TSHZ2: variants seen among roughly 807,000 people sequenced by gnomAD.
TSHZ2 encodes the protein teashirt zinc finger homeobox 2, also known as teashirt homolog 2.
In TSHZ2, 21 loss-of-function variants were observed where a neutral mutation model predicts 74.4. The ratio of observed to expected loss-of-function variants is 0.28; its 90% confidence interval spans 0.20 to 0.41. The LOEUF is 0.41. Ranked by LOEUF, TSHZ2 falls within the 10% of genes least tolerant of loss-of-function variation. The probability of loss-of-function intolerance (pLI) is 1.00; values close to 1 mark genes in which losing one functional copy is unlikely to be tolerated. For missense variants in TSHZ2, 1,244 were observed against 1,293.5 expected, an observed-to-expected ratio of 0.96 and a Z score of 0.59; for synonymous variants, 540 against 515.3, an observed-to-expected ratio of 1.05 and a Z score of -0.65.
At chr20:53,116,524 C>T (rs1442686423) in intron 1 of TSHZ2, among the ~76,000 whole-genome samples, 1 of 152,176 alleles carries the variant, frequency 6.6e-6, no homozygotes, top group African/African-American at 2.4e-5. Flanking sequence ...GTACACAAGC[C>T]ATTTGTCCAA....
intron 1 of TSHZ2, among the ~76,000 whole-genome samples, chr20:53,236,942 CA>C (rs1989953650): frequency 6.6e-6 from 1 of 152,180 alleles, no homozygotes; most frequent in Admixed American, 6.5e-5. Context: ...CACAAGGTCC[CA>C]CCCCTAACAC....
chr20:53,073,284 C>T lies in TSHZ2; in HGVS notation c.40+99951C>T, dbSNP rs528008753. ...TCCATCCATCCATCCCTCCATTCAT[C>T]CATCCATCCCTTCATCCATCCATCC... On this transcript the variant is annotated intron_variant, in intron 1 of 2. Transcript: ENST00000371497. 9.0e-4 allele frequency among the ~76,000 whole-genome samples: 128 copies of T among 141,744 alleles called. 1 individual carries two copies. Among genetic ancestry groups the T allele is most frequent in the African/African-American group, 3.8e-3 (126 of 33,340 alleles). The allele number at this position is 141,744 out of a possible 152,430, so 93.0% of individuals were successfully genotyped here.
chr20:53,089,915 G>T (rs563899591), intron 1 of TSHZ2, among the ~76,000 whole-genome samples: 5 of 152,330 alleles, frequency 3.3e-5, no homozygotes, highest in Admixed American at 2.0e-4. Flanking sequence ...GAGTTTATTA[G>T]GAGAATTGAC....
chr20:53,319,203 T>C (rs913637914), intron 2 of TSHZ2, among the ~76,000 whole-genome samples: 3 of 152,226 alleles, frequency 2.0e-5, no homozygotes, highest in African/African-American at 7.2e-5. Context: ...TGATCACCTG[T>C]TATGCTGTAG....
intron 2 of TSHZ2, among the ~76,000 whole-genome samples, chr20:53,453,880 T>G (rs1305389105): frequency 6.6e-6 from 1 of 152,020 alleles, no homozygotes; most frequent in Non-Finnish European, 1.5e-5. Flanking sequence ...ACAGACTGGT[T>G]TGGAAGAAGT....
At position 53,489,762 on chromosome 20, in the gene TSHZ2, T is replaced by C. The variant is rs1051357896; in HGVS notation, c.*2627T>C. 8 of 154,348 alleles carry C rather than the reference T, an allele frequency of 5.2e-5. No homozygotes were observed. The highest frequency in any genetic ancestry group is 3.8e-4 in the Admixed American group (6 of 15,644). 9.6% of individuals were successfully genotyped at this position (154,348 alleles called of 1,614,324 possible). A position where few individuals can be genotyped will look rare whatever the true frequency, so the allele number is the denominator to read the frequency against. On this transcript the variant is annotated 3_prime_UTR_variant, in exon 3 of 3. Transcript: ENST00000371497. ...GTGCATGTCACTGCCGAGGGATGGC[T>C]GCTAAGGTTCACCTTAGAAAACAAG...
Position 53,398,345 on chromosome 20 carries a change from A to G in TSHZ2, c.*9-88799A>G, listed in dbSNP as rs562989012. 3.9e-5 allele frequency: 6 copies of G among 152,350 alleles called. 1 individual carries two copies. The highest frequency in any genetic ancestry group is 2.1e-4 in the South Asian group (1 of 4,830). The allele number at this position is 152,350 out of a possible 1,614,324, so 9.4% of individuals were successfully genotyped here. A position where few individuals can be genotyped will look rare whatever the true frequency, so the allele number is the denominator to read the frequency against. On this transcript the variant is annotated intron_variant, in intron 2 of 2. Coordinates refer to ENST00000371497, the MANE Select transcript of TSHZ2 (RefSeq NM_173485.6). The stretch of plus-strand genomic sequence containing the variant: ...CATCCAAATACCTGCTTACCAAATC[A>G]TCGATTATCTGCCAAAGCTCTTCAG...
At chr20:53,037,903 G>A (rs1283586507) in intron 1 of TSHZ2, among the ~76,000 whole-genome samples, 1 of 152,026 alleles carries the variant, frequency 6.6e-6, no homozygotes, top group East Asian at 1.9e-4. Context: ...AGAGCAGGGC[G>A]AGTCTGCCAG....
chr20:53,240,327 A>C (rs977350679), intron 1 of TSHZ2, among the ~76,000 whole-genome samples: 1 of 152,162 alleles, frequency 6.6e-6, no homozygotes, highest in Non-Finnish European at 1.5e-5. Context: ...CTGGGATGGG[A>C]CCAACCTCAG....
intron 2 of TSHZ2, among the ~76,000 whole-genome samples, chr20:53,321,627 T>G (rs1210959387): frequency 7.5e-6 from 1 of 132,920 alleles, no homozygotes; most frequent in Non-Finnish European, 1.5e-5. Flanking sequence ...GAGGTTGTGG[T>G]GAGCAGAGAT....
intron 1 of TSHZ2, among the ~76,000 whole-genome samples, chr20:53,118,048 CAG>C (rs1452396819): frequency 2.0e-5 from 3 of 152,160 alleles, no homozygotes; most frequent in Non-Finnish European, 4.4e-5. Context: ...TGGAATTGTA[CAG>C]TGATGGAATT....
chr20:53,170,403 A>G (rs567258321), intron 1 of TSHZ2, among the ~76,000 whole-genome samples: 1 of 152,334 alleles, frequency 6.6e-6, no homozygotes, highest in East Asian at 1.9e-4. Flanking sequence ...GCGTATGCCA[A>G]AATCTGAGTC....
chr20:53,483,394 C>T (rs1398645437), intron 2 of TSHZ2, among the ~76,000 whole-genome samples: 2 of 152,236 alleles, frequency 1.3e-5, no homozygotes, highest in East Asian at 3.9e-4. Flanking sequence ...ACCTGTAGTC[C>T]CAGCTACTCA....
At chr20:53,480,607 G>A (rs1006968606) in intron 2 of TSHZ2, among the ~76,000 whole-genome samples, 3 of 151,978 alleles carry the variant, frequency 2.0e-5, no homozygotes, top group Non-Finnish European at 2.9e-5. Flanking sequence ...ATGGGTGCAG[G>A]ATGATGGACA....
In TSHZ2 at chr20:53,045,208, G is replaced by C. The variant is rs1198770664; in HGVS notation, c.40+71875G>C. Reference sequence around the variant, plus strand: ...TCTGACACCAGCATGGCCTGCCCCTGTGAGAAGGGAAGAGTACAGCGGGTC... The same window carrying C: ...TCTGACACCAGCATGGCCTGCCCCTCTGAGAAGGGAAGAGTACAGCGGGTC... On this transcript the variant is annotated intron_variant, in intron 1 of 2. Transcript: ENST00000371497. 3.9e-5 allele frequency among the ~76,000 whole-genome samples: 6 copies of C among 152,282 alleles called. No individual in the cohort carries two copies. The East Asian group carries it at 1.2e-3, about 29-fold the overall frequency.
intron 1 of TSHZ2, among the ~76,000 whole-genome samples, chr20:52,983,725 G>A (rs1981651006): frequency 6.6e-6 from 1 of 152,244 alleles, no homozygotes; most frequent in Admixed American, 6.5e-5. Context: ...CGACTGAAGA[G>A]CAGTGATATC....
chr20:53,245,820 A>T (rs1990187997), intron 1 of TSHZ2, among the ~76,000 whole-genome samples: 1 of 152,142 alleles, frequency 6.6e-6, no homozygotes, highest in Non-Finnish European at 1.5e-5. Context: ...TTTGAGGTTG[A>T]CAGATGAAGA....
chr20:53,032,744 A>C (rs79359447), intron 1 of TSHZ2, among the ~76,000 whole-genome samples: 13 of 145,742 alleles, frequency 8.9e-5, no homozygotes, highest in Non-Finnish European at 1.8e-4. Flanking sequence ...CCATGTCCTG[A>C]TTTTTTTTTT....
At chr20:53,055,284 T>A (rs74397671) in intron 1 of TSHZ2, among the ~76,000 whole-genome samples, 1 of 152,316 alleles carries the variant, frequency 6.6e-6, no homozygotes, top group East Asian at 1.9e-4. Flanking sequence ...ACATTTGGGT[T>A]TCCCTCAAGC....
Sources: allele counts gnomAD v4.1 joint callset (sites outside exome capture counted in the v4.1 genomes callset), GRCh38; gene constraint gnomAD v4.1.1; transcripts MANE v1.5; gene names NCBI Gene and HGNC (gene_info 2026-07-23, HGNC 2026-07-21).